The following NAV2 variants were observed in gnomAD, a reference collection of about 807,000 sequenced individuals.
NAV2 encodes the protein helicase, APC down-regulated 1.
A neutral mutation model predicts 223.2 loss-of-function variants in NAV2; 54 were observed. That is an observed-to-expected ratio of 0.24 (90% CI 0.19 to 0.30). The LOEUF is 0.30. NAV2 is among the 10% of genes least tolerant of loss of function. NAV2 has a pLI of 1.00. For missense variants in NAV2, 2,806 were observed against 3,147.5 expected (o/e 0.89, Z 2.60); for synonymous variants, 1,279 against 1,239.3 (o/e 1.03, Z -0.67).
intron 1 of NAV2, among the ~76,000 whole-genome samples, chr11:19,658,248 A>C (rs1158095570): frequency 6.6e-6 from 1 of 152,174 alleles, no homozygotes; most frequent in Non-Finnish European, 1.5e-5. Context: ...TAAGTGACAG[A>C]GCCAGCATTG....
chr11:19,719,643 C>G (rs1367110314), intron 1 of NAV2, among the ~76,000 whole-genome samples: 4 of 152,204 alleles, frequency 2.6e-5, no homozygotes, highest in Non-Finnish European at 5.9e-5. Flanking sequence ...ATTCCAAGCT[C>G]ACGTTCTTTC....
chr11:19,549,891 T>C (rs774792487), intron 1 of NAV2, among the ~76,000 whole-genome samples: 44 of 152,200 alleles, frequency 2.9e-4, no homozygotes, highest in Non-Finnish European at 5.1e-4. Flanking sequence ...CCACTTCCCA[T>C]GCCCTGCCCT....
chr11:19,433,088 T>G (rs1444371274), intron 1 of NAV2, among the ~76,000 whole-genome samples: 1 of 152,178 alleles, frequency 6.6e-6, no homozygotes, highest in African/African-American at 2.4e-5. Context: ...TAGAGGACTT[T>G]GGGGCAGAGA....
chr11:19,896,968 G>T (rs1218949810), intron 6 of NAV2, among the ~76,000 whole-genome samples: 1 of 152,000 alleles, frequency 6.6e-6, no homozygotes, highest in African/African-American at 2.4e-5. Flanking sequence ...CAATAGCAAA[G>T]ACTTGGAACC....
At chr11:20,082,395 C>T (rs1029549321) in intron 25 of NAV2, among the ~76,000 whole-genome samples, 9 of 152,176 alleles carry the variant, frequency 5.9e-5, no homozygotes, top group Non-Finnish European at 1.3e-4. Flanking sequence ...TATTCCCTTC[C>T]TTTCAGAAGG....
At chr11:20,077,470 TTTTC>T in intron 22 of NAV2, 78 bp from the exon 23 acceptor site, 1 of 1,087,322 alleles carries the variant, frequency 9.2e-7, no homozygotes, top group African/African-American at 1.6e-5. Flanking sequence ...ACCCACAGGA[TTTTC>T]ATCTTTAAGA....
chr11:19,912,712 C>G (rs1385641984), intron 6 of NAV2, among the ~76,000 whole-genome samples: 1 of 152,160 alleles, frequency 6.6e-6, no homozygotes, highest in Non-Finnish European at 1.5e-5. Flanking sequence ...CAGACTGTGC[C>G]TTATTTCTCT....
intron 1 of NAV2, among the ~76,000 whole-genome samples, chr11:19,434,588 AT>A (rs1446206191): frequency 2.0e-5 from 3 of 152,332 alleles, no homozygotes; most frequent in African/African-American, 7.2e-5. Flanking sequence ...ACAGTGATTT[AT>A]CCCCAGCTTT....
At chr11:19,850,913 A>G (rs1306266990) in intron 3 of NAV2, among the ~76,000 whole-genome samples, 1 of 152,194 alleles carries the variant, frequency 6.6e-6, no homozygotes, top group Non-Finnish European at 1.5e-5. Flanking sequence ...GAGAACTTAG[A>G]CCTTGATGCC....
upstream of NAV2, among the ~76,000 whole-genome samples, chr11:19,708,643 C>T (rs113809162): frequency 5.5e-4 from 83 of 152,240 alleles, no homozygotes; most frequent in African/African-American, 1.9e-3. Context: ...AAGTGGCTGA[C>T]GTTGAGGAGC....
chr11:19,939,627 T>C (rs775343485), intron 7 of NAV2, 34 bp from the exon 8 acceptor site: 12 of 1,578,654 alleles, frequency 7.6e-6, no homozygotes, highest in Non-Finnish European at 1.0e-5. Context: ...TTGCCTCTCA[T>C]GACAAGTGTG....
intron 1 of NAV2, among the ~76,000 whole-genome samples, chr11:19,498,153 C>T (rs530316829): frequency 4.6e-5 from 7 of 152,224 alleles, no homozygotes; most frequent in Admixed American, 1.3e-4. Context: ...TGGCTCCAGT[C>T]TCTCTGGGCT....
intron 1 of NAV2, among the ~76,000 whole-genome samples, chr11:19,803,933 G>T (rs2058409631): frequency 6.6e-6 from 1 of 152,234 alleles, no homozygotes; most frequent in African/African-American, 2.4e-5. Context: ...GGAACAATTG[G>T]CAAGGGTAGG....
chr11:19,548,896 A>C (rs77555211), intron 1 of NAV2, among the ~76,000 whole-genome samples: 1 of 138,736 alleles, frequency 7.2e-6, no homozygotes, highest in Non-Finnish European at 1.6e-5. Context: ...AAAAAAAAAA[A>C]CACCCTCAAG....
intron 1 of NAV2, among the ~76,000 whole-genome samples, chr11:19,798,611 T>A (rs1341086724): frequency 6.6e-6 from 1 of 152,180 alleles, no homozygotes; most frequent in Non-Finnish European, 1.5e-5. Flanking sequence ...TTAGTTTAAC[T>A]CGACTTTGGA....
At chr11:19,922,649 C>A (rs2044377124) in intron 6 of NAV2, among the ~76,000 whole-genome samples, 1 of 152,156 alleles carries the variant, frequency 6.6e-6, no homozygotes, top group Non-Finnish European at 1.5e-5. Flanking sequence ...AGTTTAGTAG[C>A]AGCTGTGGCA....
At chr11:19,794,060 C>T (rs2057731759) in intron 1 of NAV2, among the ~76,000 whole-genome samples, 1 of 152,188 alleles carries the variant, frequency 6.6e-6, no homozygotes, top group African/African-American at 2.4e-5. Flanking sequence ...CTGCCTCACT[C>T]AACTTGTAGA....
At chr11:19,363,884 A>C (rs1489007040) in intron 1 of NAV2, among the ~76,000 whole-genome samples, 1 of 152,234 alleles carries the variant, frequency 6.6e-6, no homozygotes, top group Non-Finnish European at 1.5e-5. Context: ...GAAGAGATGC[A>C]CAAGGCAAGG....
chr11:19,822,824 C>T (rs2059448155), intron 1 of NAV2, among the ~76,000 whole-genome samples: 1 of 152,184 alleles, frequency 6.6e-6, no homozygotes, highest in Non-Finnish European at 1.5e-5. Flanking sequence ...TACAATTCCT[C>T]ATATGCTCAG....
Sources: gnomAD v4.1 joint callset for allele counts (sites outside exome capture counted in the v4.1 genomes callset) on GRCh38, gnomAD v4.1.1 for gene constraint, MANE v1.5 for transcripts, NCBI Gene and HGNC (gene_info 2026-07-23, HGNC 2026-07-21) for gene names.